The following CDKAL1 variants were observed in gnomAD, a reference collection of about 807,000 sequenced individuals.
CDKAL1 encodes the protein CDKAL1 threonylcarbamoyladenosine tRNA methylthiotransferase, also known as threonylcarbamoyladenosine tRNA methylthiotransferase.
CDKAL1 carries 32 observed loss-of-function variants against 68.2 expected under a neutral mutation model. That is an observed-to-expected ratio of 0.47 (90% CI 0.35 to 0.63). The LOEUF is 0.63. Ranked by LOEUF, CDKAL1 falls within the 30% of genes least tolerant of loss-of-function variation. The pLI is 0.00. For missense variants in CDKAL1, 606 were observed against 696.7 expected (o/e 0.87, Z 1.47); for synonymous variants, 234 against 244.3 (o/e 0.96, Z 0.39).
At chr6:21,040,862 C>T (rs1769883791) in intron 11 of CDKAL1, among the ~76,000 whole-genome samples, 1 of 152,070 alleles carries the variant, frequency 6.6e-6, no homozygotes, top group Non-Finnish European at 1.5e-5. Context: ...CTTTTTCAAG[C>T]ATTGTGCCCA....
At chr6:21,118,674 G>GT (rs1774546160) in intron 13 of CDKAL1, among the ~76,000 whole-genome samples, 1 of 152,198 alleles carries the variant, frequency 6.6e-6, no homozygotes, top group South Asian at 2.1e-4. Context: ...TGGAAAGAAA[G>GT]TAAGTCAACC....
intron 13 of CDKAL1, among the ~76,000 whole-genome samples, chr6:21,187,893 T>A (rs977360686): frequency 4.6e-5 from 7 of 152,238 alleles, no homozygotes; most frequent in African/African-American, 7.2e-5. Context: ...ATGAAAAAAA[T>A]TTTTTCCCAG....
rs1299900973 is a variant in CDKAL1 at position 20,837,326 on chromosome 6, C to T, written c.639-8749C>T. ...TTTTCTTTCCCAGGATGTTTTGACTCATGTTAGAACAATACCTTTTATCCC... is the reference window on the plus strand; with the variant it reads ...TTTTCTTTCCCAGGATGTTTTGACTTATGTTAGAACAATACCTTTTATCCC... On this transcript the variant is annotated intron_variant, in intron 8 of 15. Transcript: ENST00000274695. Among the ~76,000 whole-genome samples the T allele has an allele frequency of 2.0e-5, 3 of 151,958 alleles. No homozygotes were observed. The East Asian group carries it at 5.8e-4, about 29-fold the overall frequency.
intron 7 of CDKAL1, among the ~76,000 whole-genome samples, chr6:20,770,274 G>A (rs1774883795): frequency 6.6e-6 from 1 of 151,780 alleles, no homozygotes; most frequent in Non-Finnish European, 1.5e-5. Context: ...ATAAGCAACT[G>A]TTAAAAAAGC....
At chr6:20,900,772 T>C (rs1217413895) in intron 9 of CDKAL1, among the ~76,000 whole-genome samples, 2 of 152,356 alleles carry the variant, frequency 1.3e-5, no homozygotes, top group East Asian at 3.9e-4. Context: ...TACTGTAGTA[T>C]CCCTGCCTAA....
intron 13 of CDKAL1, among the ~76,000 whole-genome samples, chr6:21,164,446 G>A (rs1777057090): frequency 6.6e-6 from 1 of 151,316 alleles, no homozygotes; most frequent in Non-Finnish European, 1.5e-5. Flanking sequence ...AGCAGCCACT[G>A]TAACCTACAA....
At chr6:21,143,251 AG>A (rs1228653779) in intron 13 of CDKAL1, among the ~76,000 whole-genome samples, 2 of 152,262 alleles carry the variant, frequency 1.3e-5, no homozygotes, top group African/African-American at 4.8e-5. Context: ...ACCCTAAATT[AG>A]GAAAGTTAGA....
intron 11 of CDKAL1, among the ~76,000 whole-genome samples, chr6:21,019,017 C>T (rs1434938641): frequency 6.6e-6 from 1 of 152,070 alleles, no homozygotes; most frequent in African/African-American, 2.4e-5. Context: ...TGGTGAGATA[C>T]GTCTCCCTGC....
chr6:21,026,101 T>G (rs958178067), intron 11 of CDKAL1, among the ~76,000 whole-genome samples: 4 of 152,168 alleles, frequency 2.6e-5, no homozygotes, highest in African/African-American at 7.2e-5. Context: ...CTAACTATCA[T>G]GCAAGGAGTG....
chr6:21,162,730 G>A (rs1776976212), intron 13 of CDKAL1, among the ~76,000 whole-genome samples: 1 of 152,088 alleles, frequency 6.6e-6, no homozygotes, highest in Non-Finnish European at 1.5e-5. Flanking sequence ...TTTGAGACCA[G>A]CCTGGGCAAC....
rs1468484273 is a variant in CDKAL1 at position 21,064,937 on chromosome 6, T to G, written c.1056-111T>G. 3.1e-5 allele frequency: 21 copies of G among 683,002 alleles called. No homozygotes were observed. In the Admixed American group the frequency reaches 8.4e-4, roughly 27 times the overall value. The allele number at this position is 683,002 out of a possible 1,614,324, so 42.3% of individuals were successfully genotyped here. ...CTTTGAAACTATTTGCACGTGTGCT[T>G]TTTATAAAAATAAATTTTAATTACC... On this transcript the variant is annotated intron_variant, in intron 11 of 15. Transcript: ENST00000274695.
intron 9 of CDKAL1, among the ~76,000 whole-genome samples, chr6:20,930,415 G>A (rs1763385276): frequency 1.3e-5 from 2 of 152,132 alleles, no homozygotes; most frequent in Non-Finnish European, 2.9e-5. Flanking sequence ...GGTCTGAACA[G>A]GCTATGCCAC....
At chr6:20,983,834 C>T (rs1255922553) in intron 10 of CDKAL1, among the ~76,000 whole-genome samples, 3 of 152,144 alleles carry the variant, frequency 2.0e-5, no homozygotes, top group Admixed American at 6.5e-5. Context: ...TTCTCCCACT[C>T]CCAGAAATGA....
At chr6:21,065,692 G>GT (rs1185735955) in intron 12 of CDKAL1, among the ~76,000 whole-genome samples, 1 of 72,468 alleles carries the variant, frequency 1.4e-5, no homozygotes, top group East Asian at 3.2e-4. Context: ...TTTTTTTTCA[G>GT]TTTTTTCACA....
chr6:21,195,409 C>T lies in CDKAL1; in HGVS notation c.1300-2612C>T, dbSNP rs532241929. The stretch of plus-strand genomic sequence containing the variant: ...AACTCCTGGCCTCAAGTGATCCACC[C>T]GCCCTGGCCTCCCAAGGTGCTGGGA... On this transcript the variant is annotated intron_variant, in intron 13 of 15. Coordinates refer to ENST00000274695, the MANE Select transcript of CDKAL1 (RefSeq NM_017774.3). Among the ~76,000 whole-genome samples the T allele has an allele frequency of 6.3e-4, 96 of 152,238 alleles. 1 individual carries two copies. The highest frequency in any genetic ancestry group is 2.1e-3 in the African/African-American group (89 of 41,544).
intron 2 of CDKAL1, among the ~76,000 whole-genome samples, chr6:20,538,708 T>C (rs1278838488): frequency 1.3e-5 from 2 of 152,264 alleles, no homozygotes; most frequent in Non-Finnish European, 2.9e-5. Context: ...TACCTGGTCC[T>C]AGCCTCTCTC....
intron 5 of CDKAL1, among the ~76,000 whole-genome samples, chr6:20,668,021 T>C (rs1769635260): frequency 6.6e-6 from 1 of 151,938 alleles, no homozygotes; most frequent in African/African-American, 2.4e-5. Context: ...TTTCCTCCCT[T>C]TCTCCTTTGT....
At chr6:20,957,155 A>G (rs1178531943) in intron 10 of CDKAL1, among the ~76,000 whole-genome samples, 2 of 152,154 alleles carry the variant, frequency 1.3e-5, no homozygotes, top group Admixed American at 1.3e-4. Flanking sequence ...CCATCAATAT[A>G]AGGTTTATGA....
chr6:20,536,331 G>A (rs948439525), intron 2 of CDKAL1, among the ~76,000 whole-genome samples: 1 of 152,026 alleles, frequency 6.6e-6, no homozygotes, highest in African/African-American at 2.4e-5. Context: ...ACATCATAAA[G>A]ATTTGTGCTT....
Sources: allele counts gnomAD v4.1 joint callset (sites outside exome capture counted in the v4.1 genomes callset), GRCh38; gene constraint gnomAD v4.1.1; transcripts MANE v1.5; gene names NCBI Gene and HGNC (gene_info 2026-07-23, HGNC 2026-07-21).